The following NRG3 variants were observed in gnomAD, a reference collection of about 807,000 sequenced individuals.
NRG3 encodes neuregulin 3.
NRG3 carries 31 observed loss-of-function variants against 66.9 expected under a neutral mutation model. The observed-to-expected ratio is 0.46, with a 90% CI of 0.35 to 0.63. The LOEUF (loss-of-function observed/expected upper bound fraction) is 0.63. Among genes scored for constraint, NRG3 ranks in the 20% least tolerant of loss-of-function variants. The probability of loss-of-function intolerance (pLI) is 0.00; values close to 1 mark genes in which losing one functional copy is unlikely to be tolerated. For missense variants in NRG3, 910 were observed against 878.9 expected, an observed-to-expected ratio of 1.04 and a Z score of -0.45; for synonymous variants, 393 against 359.4, an observed-to-expected ratio of 1.09 and a Z score of -1.06.
At position 81,989,348 on chromosome 10, in the gene NRG3, A is replaced by G. The variant is rs74146703; in HGVS notation, c.823+113185A>G. Among the ~76,000 whole-genome samples, 762 of 152,184 alleles carry G rather than the reference A, an allele frequency of 5.0e-3. 8 individuals are homozygous for G. The highest frequency in any genetic ancestry group is 0.018 in the African/African-American group (728 of 41,522). On this transcript the variant is annotated intron_variant, in intron 1 of 8. Coordinates refer to ENST00000372141, the MANE Select transcript of NRG3 (RefSeq NM_001010848.4). ...TTAGTGTGTAGACATCTAGTATAAGATCACCTAGGAAAAGATATAGATGGT... is the reference window on the plus strand; with the variant it reads ...TTAGTGTGTAGACATCTAGTATAAGGTCACCTAGGAAAAGATATAGATGGT...
At chr10:82,175,527 C>A (rs1001898284) in intron 1 of NRG3, among the ~76,000 whole-genome samples, 7 of 152,144 alleles carry the variant, frequency 4.6e-5, no homozygotes, top group African/African-American at 7.2e-5. Flanking sequence ...CCAAATGCTT[C>A]ATTTACTGTT....
At position 81,991,268 on chromosome 10, in the gene NRG3, C is replaced by T. The variant is rs184421156; in HGVS notation, c.823+115105C>T. ...ATTATATTTTGTTAATATCTCTGAT[C>T]CTTTTTTGTTCAGAAAATGGTTATT... On this transcript the variant is annotated intron_variant, in intron 1 of 8. Transcript: ENST00000372141. Among the ~76,000 whole-genome samples, 198 of 152,210 alleles carry T rather than the reference C, an allele frequency of 1.3e-3. 2 individuals carry two copies. The highest frequency in any genetic ancestry group is 0.01 in the Middle Eastern group (3 of 294).
intron 3 of NRG3, among the ~76,000 whole-genome samples, chr10:82,740,691 G>A (rs2058380007): frequency 1.3e-5 from 2 of 151,436 alleles, no homozygotes; most frequent in Non-Finnish European, 2.9e-5. Context: ...TGGTATGGTG[G>A]CAAGTGCCTG....
intron 1 of NRG3, among the ~76,000 whole-genome samples, chr10:81,889,899 C>T (rs1240354910): frequency 6.6e-6 from 1 of 152,178 alleles, no homozygotes; most frequent in African/African-American, 2.4e-5. Context: ...GTTTCTCCTT[C>T]ATCACTGAGT....
intron 2 of NRG3, among the ~76,000 whole-genome samples, chr10:82,708,801 T>C (rs1184646470): frequency 6.6e-6 from 1 of 152,200 alleles, no homozygotes; most frequent in African/African-American, 2.4e-5. Flanking sequence ...TATTGACTTT[T>C]ATAAGATACA....
intron 1 of NRG3, among the ~76,000 whole-genome samples, chr10:82,056,274 G>A (rs2063843543): frequency 6.6e-6 from 1 of 152,058 alleles, no homozygotes; most frequent in Admixed American, 6.6e-5. Context: ...TGGTCAGGTG[G>A]GTGTGATGAC....
At chr10:82,415,278 A>C (rs1443591961) in intron 2 of NRG3, among the ~76,000 whole-genome samples, 1 of 152,134 alleles carries the variant, frequency 6.6e-6, no homozygotes, top group East Asian at 1.9e-4. Context: ...AGTCTGGAAA[A>C]TGTCGTTCAT....
intron 1 of NRG3, among the ~76,000 whole-genome samples, chr10:82,218,778 A>G (rs2075804728): frequency 6.6e-6 from 1 of 152,084 alleles, no homozygotes; most frequent in Non-Finnish European, 1.5e-5. Context: ...ATTTGTTGCT[A>G]TTAATCTGAC....
intron 1 of NRG3, among the ~76,000 whole-genome samples, chr10:81,913,965 A>G (rs1474211820): frequency 3.3e-5 from 5 of 152,236 alleles, no homozygotes; most frequent in African/African-American, 1.2e-4. Context: ...CATGGCATAC[A>G]TCCAGAGCTC....
intron 1 of NRG3, among the ~76,000 whole-genome samples, chr10:82,193,678 A>G (rs751445837): frequency 6.6e-6 from 1 of 152,196 alleles, no homozygotes; most frequent in Non-Finnish European, 1.5e-5. Context: ...GGTGAGATCA[A>G]GAATGAAATT....
In NRG3 at chr10:82,986,756, C is replaced by T. The variant is rs912103495; in HGVS notation, c.*1151C>T. ...GGATGTGTGTTTATTTTGAATCATGCCTACTTAAATTATTAATACAAGACA... is the reference window on the plus strand; with the variant it reads ...GGATGTGTGTTTATTTTGAATCATGTCTACTTAAATTATTAATACAAGACA... On this transcript the variant is annotated 3_prime_UTR_variant, in exon 9 of 9. Transcript: ENST00000372141. 1.3e-5 allele frequency: 2 copies of T among 152,216 alleles called. No homozygotes were observed. Among genetic ancestry groups the T allele is most frequent in the Non-Finnish European group, 2.9e-5 (2 of 68,016 alleles). 9.4% of individuals were successfully genotyped at this position (152,216 alleles called of 1,614,324 possible).
At chr10:82,520,286 TA>T (rs1278808597) in intron 2 of NRG3, among the ~76,000 whole-genome samples, 1 of 151,522 alleles carries the variant, frequency 6.6e-6, no homozygotes, top group Non-Finnish European at 1.5e-5. Flanking sequence ...ATATGGTTGT[TA>T]AAAAGGATTT....
At chr10:82,576,287 T>A (rs2046028229) in intron 2 of NRG3, among the ~76,000 whole-genome samples, 1 of 151,690 alleles carries the variant, frequency 6.6e-6, no homozygotes. Context: ...CTTATCTTTT[T>A]GCTTACTGGG....
At chr10:82,380,488 C>T (rs1017675930) in intron 2 of NRG3, among the ~76,000 whole-genome samples, 7 of 151,946 alleles carry the variant, frequency 4.6e-5, no homozygotes, top group South Asian at 2.1e-4. Context: ...CAATGTCAAA[C>T]GCAGCAATCC....
At chr10:82,978,539 G>A (rs946408110) in intron 7 of NRG3, among the ~76,000 whole-genome samples, 3 of 152,166 alleles carry the variant, frequency 2.0e-5, no homozygotes, top group Non-Finnish European at 4.4e-5. Context: ...GGCTTACTGT[G>A]TTCAGTTTTT....
intron 1 of NRG3, among the ~76,000 whole-genome samples, chr10:82,186,215 T>C (rs2073799174): frequency 6.6e-6 from 1 of 152,178 alleles, no homozygotes. Flanking sequence ...TAATATCTTA[T>C]TCCTTTTTTC....
intron 2 of NRG3, among the ~76,000 whole-genome samples, chr10:82,452,654 T>C (rs113350838): frequency 1.3e-3 from 203 of 152,010 alleles, no homozygotes; most frequent in African/African-American, 4.7e-3. Flanking sequence ...TCAGCTGTCA[T>C]CTTGTGGAGT....
At chr10:82,735,595 G>A (rs555632665) in intron 2 of NRG3, among the ~76,000 whole-genome samples, 79 of 152,224 alleles carry the variant, frequency 5.2e-4, no homozygotes, top group Admixed American at 8.5e-4. Flanking sequence ...GAATAAGTTC[G>A]TGTCCTTTGC....
At chr10:82,018,600 T>C (rs1281198893) in intron 1 of NRG3, among the ~76,000 whole-genome samples, 1 of 152,198 alleles carries the variant, frequency 6.6e-6, no homozygotes, top group Non-Finnish European at 1.5e-5. Context: ...TTGTATCCTC[T>C]TTTATTTCGT....
Sources: allele counts gnomAD v4.1 joint callset (sites outside exome capture counted in the v4.1 genomes callset), GRCh38; gene constraint gnomAD v4.1.1; transcripts MANE v1.5; gene names NCBI Gene and HGNC (gene_info 2026-07-23, HGNC 2026-07-21).